The following TNS3 variants were observed in gnomAD, a reference collection of about 807,000 sequenced individuals.
TNS3 encodes the protein tensin 3, also known as tensin-3.
In TNS3, 45 loss-of-function variants were observed where a neutral mutation model predicts 140.9. That is an observed-to-expected ratio of 0.32 (90% CI 0.25 to 0.41). TNS3 has a LOEUF of 0.41. Among genes scored for constraint, TNS3 ranks in the 10% least tolerant of loss-of-function variants. TNS3 has a pLI of 1.00. For synonymous variants in TNS3, 815 were observed against 788.4 expected (o/e 1.03, Z -0.56); for missense variants, 1,716 against 1,906.7 (o/e 0.90, Z 1.86).
intron 1 of TNS3, among the ~76,000 whole-genome samples, chr7:47,543,112 G>C (rs951054265): frequency 6.6e-6 from 1 of 152,120 alleles, no homozygotes; most frequent in Non-Finnish European, 1.5e-5. Context: ...CTGTCTCTAG[G>C]GGCAGGTCTT....
chr7:47,364,761 C>T (rs1312706094), intron 17 of TNS3, among the ~76,000 whole-genome samples: 2 of 152,218 alleles, frequency 1.3e-5, no homozygotes, highest in African/African-American at 2.4e-5. Context: ...AAGGGCATGG[C>T]TCACTCTGCC....
chr7:47,368,894 G>A lies in TNS3; in HGVS notation c.1752C>T (p.Tyr584=), dbSNP rs1320114160. Reference sequence around the variant, plus strand: ...GCTGGCGCACCCAGGTCTGTGTGGAGTAGCTGCTCTGCCCATAGGCCTGCA... The same window carrying A: ...GCTGGCGCACCCAGGTCTGTGTGGAATAGCTGCTCTGCCCATAGGCCTGCA... The part of the protein sequence containing the change: ...AQMQAYGQSS[Y]STQTWVRQQQ... The change falls in exon 17 of 31, where the codon TAC becomes TAT. Residue 584 remains tyrosine, a synonymous_variant. Transcript: ENST00000311160. 1 of 1,613,534 alleles carries A rather than the reference G, an allele frequency of 6.2e-7. No individual in the cohort carries two copies. Among genetic ancestry groups the A allele is most frequent in the Non-Finnish European group, 8.5e-7 (1 of 1,179,848 alleles).
intron 1 of TNS3, among the ~76,000 whole-genome samples, chr7:47,534,235 C>A (rs1055971218): frequency 6.6e-6 from 1 of 151,914 alleles, no homozygotes; most frequent in Non-Finnish European, 1.5e-5. Flanking sequence ...GATCATGGCA[C>A]GGCACTCCAG....
intron 20 of TNS3, among the ~76,000 whole-genome samples, chr7:47,313,999 C>G (rs781332348): frequency 2.6e-5 from 4 of 152,168 alleles, no homozygotes; most frequent in Admixed American, 1.3e-4. Flanking sequence ...CATGTTTATC[C>G]CAAGGACTTC....
rs367595968 is a variant in TNS3, at chr7:47,280,151, C to A, written c.4193+13G>T. ...AGACAAGGAGAGAATGTAAAGAAATCTCAGCAACTTACTTTGAGGAAGGGC... is the reference window on the plus strand; with the variant it reads ...AGACAAGGAGAGAATGTAAAGAAATATCAGCAACTTACTTTGAGGAAGGGC... On this transcript the variant is annotated intron_variant, in intron 30 of 30. Coordinates refer to ENST00000311160, the MANE Select transcript of TNS3 (RefSeq NM_022748.12). The A allele has an allele frequency of 2.5e-6, 4 of 1,614,070 alleles. No homozygotes were observed. Among genetic ancestry groups the A allele is most frequent in the Non-Finnish European group, 3.4e-6 (4 of 1,179,986 alleles).
chr7:47,570,055 C>G (rs1800519137), intron 1 of TNS3, among the ~76,000 whole-genome samples: 1 of 152,174 alleles, frequency 6.6e-6, no homozygotes, highest in South Asian at 2.1e-4. Context: ...GAGGCTGAGG[C>G]AGGAGAATCA....
chr7:47,519,909 C>T (rs907560490), intron 2 of TNS3, among the ~76,000 whole-genome samples: 3 of 146,674 alleles, frequency 2.0e-5, no homozygotes, highest in South Asian at 2.2e-4. Context: ...CTGCAAGCTC[C>T]GCCTCCCGGG....
At chr7:47,555,026 C>CAA (rs1002081887) in intron 1 of TNS3, among the ~76,000 whole-genome samples, 1 of 142,680 alleles carries the variant, frequency 7.0e-6, no homozygotes, top group African/African-American at 2.6e-5. Context: ...GACTCTGTCT[C>CAA]AAAAAAAAAA....
chr7:47,516,556 T>C lies in TNS3; in HGVS notation c.-152-9612A>G, dbSNP rs201120204. 7.4e-3 allele frequency among the ~76,000 whole-genome samples: 1,124 copies of C among 152,154 alleles called. 20 individuals carry two copies. Among genetic ancestry groups the C allele is most frequent in the African/African-American group, 0.025 (1,058 of 41,492 alleles). ...CTCAATGAGCTGCAGCATCCCCACA[T>C]CCTGCCTCTACCCCGTTCTACACCC... On this transcript the variant is annotated intron_variant, in intron 2 of 30. Coordinates refer to ENST00000311160, the MANE Select transcript of TNS3 (RefSeq NM_022748.12).
intron 16 of TNS3, among the ~76,000 whole-genome samples, chr7:47,389,004 AAGAAGAAGAAGAAGAAGAAG>A (rs1792258599): frequency 0.019 from 1,071 of 56,784 alleles, 203 homozygotes; most frequent in East Asian, 0.075. Context: ...AAGAAGAAGG[AAGAAGAAGAAGAAGAAGAAG>A]AAGAAGAAGA....
intron 4 of TNS3, among the ~76,000 whole-genome samples, chr7:47,457,237 G>A (rs1188419087): frequency 1.3e-5 from 2 of 151,042 alleles, no homozygotes; most frequent in African/African-American, 2.4e-5. Flanking sequence ...CATTCCTGTG[G>A]CGTAAATACT....
rs1023907659 is a variant in TNS3 at position 47,453,116 on chromosome 7, T to C, written c.-75-11061A>G. The C allele has an allele frequency of 3.0e-6, 3 of 985,518 alleles. No homozygotes were observed. In the African/African-American group the frequency reaches 5.2e-5, roughly 17 times the overall value. The allele number at this position is 985,518 out of a possible 1,614,324, so 61.0% of individuals were successfully genotyped here. The stretch of plus-strand genomic sequence containing the variant: ...CCACCAGGTGGGAGAGCCTGGTGAG[T>C]GTGGGAGTCCCCAGAACCACAGCCA... On this transcript the variant is annotated intron_variant, in intron 4 of 30. Coordinates refer to ENST00000311160, the MANE Select transcript of TNS3 (RefSeq NM_022748.12).
chr7:47,303,793 G>C (rs1329637811), intron 21 of TNS3, among the ~76,000 whole-genome samples: 2 of 152,194 alleles, frequency 1.3e-5, no homozygotes, highest in Non-Finnish European at 2.9e-5. Context: ...TTCATGCCTG[G>C]ATGCTGCAGC....
At chr7:47,327,420 G>A (rs1182681726) in intron 20 of TNS3, among the ~76,000 whole-genome samples, 2 of 152,200 alleles carry the variant, frequency 1.3e-5, no homozygotes, top group African/African-American at 4.8e-5. Flanking sequence ...ACTGTGCTGG[G>A]TGCTCAGAAG....
intron 28 of TNS3, among the ~76,000 whole-genome samples, chr7:47,281,960 G>A (rs986876761): frequency 7.2e-6 from 1 of 138,438 alleles, no homozygotes; most frequent in Non-Finnish European, 1.6e-5. Context: ...CCACTAGGCA[G>A]TCTAGCCATA....
At chr7:47,574,457 A>C (rs1404916283) in intron 1 of TNS3, among the ~76,000 whole-genome samples, 1 of 152,066 alleles carries the variant, frequency 6.6e-6, no homozygotes, top group African/African-American at 2.4e-5. Context: ...CTGCAATTTG[A>C]CCATATATAC....
intron 16 of TNS3, among the ~76,000 whole-genome samples, chr7:47,377,297 G>C (rs1456845178): frequency 6.6e-6 from 1 of 152,228 alleles, no homozygotes; most frequent in African/African-American, 2.4e-5. Flanking sequence ...GTGCTCATCT[G>C]CAGGCAGTCT....
chr7:47,357,891 C>T (rs74343719), intron 17 of TNS3, among the ~76,000 whole-genome samples: 2,033 of 152,302 alleles, frequency 0.013, 45 homozygotes, highest in African/African-American at 0.047. Flanking sequence ...GTCCACACAA[C>T]GAAGCCCTCC....
rs559651580 is a variant in TNS3 at position 47,315,691 on chromosome 7, T to C, written c.2651-10688A>G. Reference sequence around the variant, plus strand: ...GGCCAAAACCTGCAACCTAAATGTGTAAGGAGTTGTCAGACATATTAAACA... The same window carrying C: ...GGCCAAAACCTGCAACCTAAATGTGCAAGGAGTTGTCAGACATATTAAACA... On this transcript the variant is annotated intron_variant, in intron 20 of 30. Coordinates refer to ENST00000311160, the MANE Select transcript of TNS3 (RefSeq NM_022748.12). Among the ~76,000 whole-genome samples, 121 of 152,288 alleles carry C rather than the reference T, an allele frequency of 7.9e-4. 1 individual carries two copies. Among genetic ancestry groups the C allele is most frequent in the African/African-American group, 2.5e-3 (105 of 41,552 alleles).
Sources: gnomAD v4.1 joint callset for allele counts (sites outside exome capture counted in the v4.1 genomes callset) on GRCh38, gnomAD v4.1.1 for gene constraint, MANE v1.5 for transcripts, NCBI Gene and HGNC (gene_info 2026-07-23, HGNC 2026-07-21) for gene names.